The following ATP2B2 variants were observed in gnomAD, a reference collection of about 807,000 sequenced individuals.
ATP2B2 encodes the protein ATPase plasma membrane Ca2+ transporting 2.
ATP2B2 carries 15 observed loss-of-function variants against 120.0 expected under a neutral mutation model. The ratio of observed to expected loss-of-function variants is 0.12; its 90% CI spans 0.08 to 0.19. ATP2B2 has a LOEUF of 0.19. Ranked by LOEUF, ATP2B2 falls within the 10% of genes least tolerant of loss-of-function variation. The pLI is 1.00. For missense variants in ATP2B2, 1,045 were observed against 1,719.8 expected (o/e 0.61, Z 6.94); for synonymous variants, 694 against 700.3 (o/e 0.99, Z 0.14).
intron 1 of ATP2B2, among the ~76,000 whole-genome samples, chr3:10,641,998 ACC>A (rs373296484): frequency 0.74 from 112,910 of 151,724 alleles, 42,498 homozygotes; most frequent in African/African-American, 0.86. Flanking sequence ...CCACCCATCC[ACC>A]CATCCACCCA....
intron 5 of ATP2B2, among the ~76,000 whole-genome samples, chr3:10,396,852 G>C (rs887987038): frequency 9.9e-5 from 15 of 152,056 alleles, no homozygotes; most frequent in Non-Finnish European, 5.9e-5. Flanking sequence ...TAATCAGAAA[G>C]GGGGGGAAGC....
At chr3:10,380,970 T>C (rs2061515575) in intron 8 of ATP2B2, among the ~76,000 whole-genome samples, 1 of 152,206 alleles carries the variant, frequency 6.6e-6, no homozygotes, top group African/African-American at 2.4e-5. Context: ...TTCATCACTC[T>C]CATTTTATAG....
Position 10,356,040 on chromosome 3 carries a change from AC to A in ATP2B2, c.2136+2650del, listed in dbSNP as rs1344449168. 1.3e-4 allele frequency among the ~76,000 whole-genome samples: 3 copies of A among 23,554 alleles called. 1 individual carries two copies. Among genetic ancestry groups the A allele is most frequent in the African/African-American group, 4.4e-4 (3 of 6,818 alleles). 15.5% of individuals were successfully genotyped at this position (23,554 alleles called of 152,430 possible). ...CAGTGAGCCGAGATCGCGCCACTGC[AC>A]TCCAGCCTGGGCGACAGAGCGAGAC... On this transcript the variant is annotated intron_variant, in intron 14 of 22. Transcript: ENST00000360273.
intron 1 of ATP2B2, among the ~76,000 whole-genome samples, chr3:10,683,684 A>T (rs1207792302): frequency 6.7e-6 from 1 of 148,312 alleles, no homozygotes; most frequent in Non-Finnish European, 1.5e-5. Flanking sequence ...AGAAATATAT[A>T]TATACACATA....
intron 2 of ATP2B2, among the ~76,000 whole-genome samples, chr3:10,414,196 G>C (rs538221623): frequency 6.6e-6 from 1 of 152,342 alleles, no homozygotes; most frequent in African/African-American, 2.4e-5. Context: ...GGCCCTGCCT[G>C]ATTGATTCCA....
intron 1 of ATP2B2, among the ~76,000 whole-genome samples, chr3:10,490,536 G>T (rs1343324121): frequency 6.6e-6 from 1 of 151,950 alleles, no homozygotes; most frequent in South Asian, 2.1e-4. Context: ...GAGTAGCTGG[G>T]ACTACAGGTG....
intron 2 of ATP2B2, among the ~76,000 whole-genome samples, chr3:10,610,585 T>C (rs908820175): frequency 6.6e-6 from 1 of 152,214 alleles, no homozygotes; most frequent in African/African-American, 2.4e-5. Context: ...GATGGAATGA[T>C]AGGTTCCAAA....
intron 16 of ATP2B2, 70 bp downstream of exon 16, chr3:10,350,042 C>T: frequency 6.6e-7 from 1 of 1,504,566 alleles, no homozygotes; most frequent in Non-Finnish European, 9.2e-7. Flanking sequence ...CTGCAAGTGC[C>T]AGGAGAGGAG....
At chr3:10,515,925 C>T (rs2066867919) in intron 3 of ATP2B2, among the ~76,000 whole-genome samples, 1 of 152,200 alleles carries the variant, frequency 6.6e-6, no homozygotes, top group Non-Finnish European at 1.5e-5. Flanking sequence ...ACGTAAGTAT[C>T]TCCATCTTGT....
At chr3:10,639,925 G>C (rs1575584106) in intron 1 of ATP2B2, among the ~76,000 whole-genome samples, 1 of 152,260 alleles carries the variant, frequency 6.6e-6, no homozygotes, top group East Asian at 1.9e-4. Flanking sequence ...CCTGGGCACA[G>C]AGCAAGGTGA....
At chr3:10,529,782 A>G (rs978477863) in intron 3 of ATP2B2, among the ~76,000 whole-genome samples, 4 of 152,204 alleles carry the variant, frequency 2.6e-5, no homozygotes, top group Non-Finnish European at 4.4e-5. Context: ...AAATGAGGCC[A>G]CTAGAATGGG....
intron 12 of ATP2B2, 47 bp from the exon 13 acceptor site, chr3:10,360,170 G>T: frequency 6.5e-7 from 1 of 1,541,884 alleles, no homozygotes. Context: ...GGCCTGTGTC[G>T]GGAGCCTCTG....
intron 1 of ATP2B2, among the ~76,000 whole-genome samples, chr3:10,647,690 A>G (rs1241127029): frequency 6.6e-6 from 1 of 152,216 alleles, no homozygotes; most frequent in Non-Finnish European, 1.5e-5. Context: ...AGGACAGTAG[A>G]TGTTCCTAGG....
chr3:10,593,022 G>A (rs1332180248), intron 2 of ATP2B2, among the ~76,000 whole-genome samples: 1 of 152,198 alleles, frequency 6.6e-6, no homozygotes, highest in Admixed American at 6.5e-5. Flanking sequence ...CTGGGCTCAA[G>A]CAATCCACCT....
intron 1 of ATP2B2, among the ~76,000 whole-genome samples, chr3:10,701,572 A>G (rs2071819404): frequency 6.6e-6 from 1 of 151,560 alleles, no homozygotes; most frequent in South Asian, 2.1e-4. Context: ...CATCCAATGT[A>G]CATTTATTAA....
At chr3:10,388,195 A>AT in intron 6 of ATP2B2, 82 bp downstream of exon 6, 1 of 1,596,226 alleles carries the variant, frequency 6.3e-7, no homozygotes, top group Non-Finnish European at 8.6e-7. Context: ...CTCAATAACT[A>AT]TTTTGTTGAG....
chr3:10,512,464 GCACACACACACACACACACACACACA>G (rs6147706), intron 3 of ATP2B2, among the ~76,000 whole-genome samples: 5 of 137,026 alleles, frequency 3.6e-5, no homozygotes, highest in Non-Finnish European at 6.2e-5. Flanking sequence ...AAGTGTGTGC[GCACACACACACACACACACACACACA>G]CACACACACA....
At chr3:10,478,103 G>A (rs1416991807) in intron 1 of ATP2B2, among the ~76,000 whole-genome samples, 1 of 152,128 alleles carries the variant, frequency 6.6e-6, no homozygotes, top group Non-Finnish European at 1.5e-5. Context: ...ATTTCCCTGT[G>A]ATTTACATTT....
At chr3:10,501,278 C>T (rs1395842183) in intron 1 of ATP2B2, among the ~76,000 whole-genome samples, 4 of 152,186 alleles carry the variant, frequency 2.6e-5, no homozygotes, top group Non-Finnish European at 4.4e-5. Flanking sequence ...CCGCCTCCAT[C>T]CAGACTGTCA....
Sources: gnomAD v4.1 joint callset for allele counts (sites outside exome capture counted in the v4.1 genomes callset) on GRCh38, gnomAD v4.1.1 for gene constraint, MANE v1.5 for transcripts, NCBI Gene and HGNC (gene_info 2026-07-23, HGNC 2026-07-21) for gene names.